The following MEI4 variants were observed in gnomAD, a reference collection of about 807,000 sequenced individuals.
MEI4 encodes meiotic double-stranded break formation protein 4, also known as meiosis-specific protein MEI4.
MEI4 carries 27 observed loss-of-function variants against 31.4 expected under a neutral mutation model. The observed-to-expected ratio is 0.86, with a 90% CI of 0.63 to 1.19. The LOEUF (loss-of-function observed/expected upper bound fraction) is 1.19, where lower values mean the gene tolerates loss of function less well. MEI4 is among the 50% of genes most tolerant of loss of function. MEI4 has a pLI of 0.00. For synonymous variants in MEI4, 122 were observed against 145.4 expected, an observed-to-expected ratio of 0.84 and a Z score of 1.16; for missense variants, 329 against 398.9, an observed-to-expected ratio of 0.82 and a Z score of 1.49.
intron 2 of MEI4, among the ~76,000 whole-genome samples, chr6:77,704,449 A>G (rs566405322): frequency 4.6e-5 from 7 of 152,324 alleles, no homozygotes; most frequent in Admixed American, 2.0e-4. Context: ...TATATAGTAA[A>G]TGGAATGGGG....
In MEI4 at chr6:77,919,902, A is replaced by T. The variant is rs1440832908; in HGVS notation, c.901-3187A>T. On this transcript the variant is annotated intron_variant, in intron 4 of 4. Coordinates refer to ENST00000684080, the MANE Select transcript of MEI4 (RefSeq NM_001322247.2). ...GCAAATAAACTAGAAAATCTAGAAGAAATGGATAAATTCCTCGACACATAC... is the reference window on the plus strand; with the variant it reads ...GCAAATAAACTAGAAAATCTAGAAGTAATGGATAAATTCCTCGACACATAC... Among the ~76,000 whole-genome samples the T allele has an allele frequency of 4.0e-5, 6 of 149,706 alleles. No individual in the cohort carries two copies. In the East Asian group the frequency reaches 1.2e-3, roughly 31 times the overall value.
intron 4 of MEI4, among the ~76,000 whole-genome samples, chr6:77,902,519 A>G (rs970783226): frequency 5.3e-5 from 8 of 152,092 alleles, no homozygotes; most frequent in Non-Finnish European, 1.2e-4. Flanking sequence ...TTGTTAGTGT[A>G]TAGAAGCACT....
chr6:77,904,125 T>G (rs1227314825), intron 4 of MEI4, among the ~76,000 whole-genome samples: 6 of 152,138 alleles, frequency 3.9e-5, no homozygotes, highest in African/African-American at 1.2e-4. Flanking sequence ...TTTTTTTCCT[T>G]CTTCTCTTAC....
At chr6:77,751,737 A>G (rs765490665) in intron 2 of MEI4, among the ~76,000 whole-genome samples, 13 of 152,224 alleles carry the variant, frequency 8.5e-5, no homozygotes, top group Non-Finnish European at 1.6e-4. Flanking sequence ...AACAATAGAA[A>G]AACAGGGAAT....
intron 2 of MEI4, among the ~76,000 whole-genome samples, chr6:77,734,335 T>G (rs1196547263): frequency 6.6e-6 from 1 of 152,062 alleles, no homozygotes; most frequent in East Asian, 1.9e-4. Context: ...ATATTTAGGA[T>G]ATATATTTAG....
chr6:77,771,337 G>A (rs1449762371), intron 3 of MEI4, among the ~76,000 whole-genome samples: 1 of 152,088 alleles, frequency 6.6e-6, no homozygotes. Flanking sequence ...TACATTGTTG[G>A]GGGGAGTGTA....
intron 1 of MEI4, among the ~76,000 whole-genome samples, chr6:77,671,054 GTTTTTTTT>G (rs35429284): frequency 1.1e-4 from 12 of 110,418 alleles, no homozygotes; most frequent in African/African-American, 2.9e-4. Flanking sequence ...GTGAATTGTT[GTTTTTTTT>G]TTTTTTTTTT....
At chr6:77,854,520 T>C (rs1273315807) in intron 4 of MEI4, among the ~76,000 whole-genome samples, 1 of 151,684 alleles carries the variant, frequency 6.6e-6, no homozygotes, top group African/African-American at 2.4e-5. Flanking sequence ...TATTTTTATT[T>C]AAAAATTAAA....
At chr6:77,771,841 G>T (rs1461407037) in intron 3 of MEI4, among the ~76,000 whole-genome samples, 3 of 151,930 alleles carry the variant, frequency 2.0e-5, no homozygotes, top group Non-Finnish European at 4.4e-5. Context: ...TGAGCACTGT[G>T]CTTAGAACCT....
intron 4 of MEI4, among the ~76,000 whole-genome samples, chr6:77,846,197 C>G (rs1770483019): frequency 6.6e-6 from 1 of 152,038 alleles, no homozygotes. Flanking sequence ...ACTGCAAGCT[C>G]TACCTCCCGG....
At chr6:77,735,422 G>A (rs187896068) in intron 2 of MEI4, among the ~76,000 whole-genome samples, 21 of 151,878 alleles carry the variant, frequency 1.4e-4, no homozygotes, top group African/African-American at 2.9e-4. Context: ...CCAGTTGATC[G>A]CATCGGCTCC....
chr6:77,786,966 A>T (rs1768752503), intron 3 of MEI4, among the ~76,000 whole-genome samples: 1 of 152,192 alleles, frequency 6.6e-6, no homozygotes, highest in African/African-American at 2.4e-5. Flanking sequence ...CAGCTGGGAG[A>T]CATGCCTATC....
chr6:77,682,343 A>G lies in MEI4; in HGVS notation c.-14-8315A>G, dbSNP rs118058178. On this transcript the variant is annotated intron_variant, in intron 1 of 4. Coordinates refer to ENST00000684080, the MANE Select transcript of MEI4 (RefSeq NM_001322247.2). Reference sequence around the variant, plus strand: ...AATCTGGTTTTCTCCCTTATAGCTTACCCTCTGACCTAAAACTGTATGCGA... The same window carrying G: ...AATCTGGTTTTCTCCCTTATAGCTTGCCCTCTGACCTAAAACTGTATGCGA... 5.6e-4 allele frequency among the ~76,000 whole-genome samples: 86 copies of G among 152,272 alleles called. No individual in the cohort carries two copies. The East Asian group carries it at 0.016, about 28-fold the overall frequency.
chr6:77,748,849 G>A (rs568494398), intron 2 of MEI4, among the ~76,000 whole-genome samples: 5 of 152,204 alleles, frequency 3.3e-5, no homozygotes, highest in South Asian at 4.1e-4. Context: ...AGTAGGGGCC[G>A]ACAGACATGT....
intron 3 of MEI4, among the ~76,000 whole-genome samples, chr6:77,791,684 A>G (rs1182831515): frequency 6.7e-6 from 1 of 149,094 alleles, no homozygotes; most frequent in Non-Finnish European, 1.5e-5. Context: ...AGTATAAAAA[A>G]AAAAAAAAGA....
chr6:77,878,342 C>T (rs530816146), intron 4 of MEI4, among the ~76,000 whole-genome samples: 3 of 152,170 alleles, frequency 2.0e-5, no homozygotes, highest in Middle Eastern at 3.4e-3. Flanking sequence ...AATCATAGGA[C>T]TTTTCCTGAT....
intron 4 of MEI4, among the ~76,000 whole-genome samples, chr6:77,833,779 C>T (rs1303787440): frequency 6.6e-6 from 1 of 152,142 alleles, no homozygotes; most frequent in Admixed American, 6.6e-5. Context: ...ATGCTCTCCC[C>T]TACCTTTCCC....
In MEI4 at chr6:77,761,197, A is replaced by G; in HGVS notation, c.300A>G (p.Glu100=). 1 of 1,232,232 alleles carries G rather than the reference A, an allele frequency of 8.1e-7. No homozygotes were observed. The highest frequency in any genetic ancestry group is 1.0e-6 in the Non-Finnish European group (1 of 987,966). 76.3% of individuals were successfully genotyped at this position (1,232,232 alleles called of 1,614,324 possible). ...KSSESTLTSM[E]DSGCDLSNEQ... ...CTGAAAGTACATTAACTTCGATGGA[A>G]GATTCTGGATGTGATTTGTCGAATG... Residue 100 remains glutamate, a synonymous_variant, in exon 3 of 5, where the codon GAA becomes GAG. Transcript: ENST00000684080.
At chr6:77,735,589 G>A (rs944792404) in intron 2 of MEI4, among the ~76,000 whole-genome samples, 14 of 151,862 alleles carry the variant, frequency 9.2e-5, no homozygotes, top group African/African-American at 1.2e-4. Context: ...ATGTCCTCCC[G>A]TAGCTCGGAG....
Sources: allele counts gnomAD v4.1 joint callset (sites outside exome capture counted in the v4.1 genomes callset), GRCh38; gene constraint gnomAD v4.1.1; transcripts MANE v1.5; gene names NCBI Gene and HGNC (gene_info 2026-07-23, HGNC 2026-07-21).